The following SCN3A variants were observed in gnomAD, a reference collection of about 807,000 sequenced individuals.
SCN3A encodes sodium channel protein type 3 subunit alpha.
Under a neutral mutation model 187.6 loss-of-function variants are expected in SCN3A, and 60 were observed. That is an observed-to-expected ratio of 0.32 (90% CI 0.26 to 0.40). The LOEUF (loss-of-function observed/expected upper bound fraction) is 0.40, where lower values mean the gene tolerates loss of function less well. Ranked by LOEUF, SCN3A falls within the 10% of genes least tolerant of loss-of-function variation. The pLI is 1.00. For synonymous variants in SCN3A, 788 were observed against 829.2 expected (o/e 0.95, Z 0.85); for missense variants, 1,601 against 2,428.2 (o/e 0.66, Z 7.16).
At chr2:165,163,277 A>AAT (rs1482819092) in intron 7 of SCN3A, among the ~76,000 whole-genome samples, 1 of 152,090 alleles carries the variant, frequency 6.6e-6, no homozygotes, top group Non-Finnish European at 1.5e-5. Flanking sequence ...CTCCTTTGTA[A>AAT]AAGGAGATCC....
intron 24 of SCN3A, among the ~76,000 whole-genome samples, chr2:165,096,203 C>T (rs1215427699): frequency 6.6e-6 from 1 of 152,118 alleles, no homozygotes; most frequent in Non-Finnish European, 1.5e-5. Context: ...CACTGAACAA[C>T]TTTTCCACTC....
At chr2:165,181,669 G>A (rs1690882436) in intron 2 of SCN3A, among the ~76,000 whole-genome samples, 1 of 151,988 alleles carries the variant, frequency 6.6e-6, no homozygotes, top group Non-Finnish European at 1.5e-5. Flanking sequence ...GTTCATTTTT[G>A]AGAAAATGTG....
At position 165,163,670 on chromosome 2, in the gene SCN3A, C is replaced by G. The variant is rs575814709; in HGVS notation, c.642G>C (p.Ala214=). 6.2e-7 allele frequency: 1 copy of G among 1,613,950 alleles called. No homozygotes were observed. The highest frequency in any genetic ancestry group is 1.3e-5 in the African/African-American group (1 of 74,922). Residue 214 remains alanine, a synonymous_variant, in exon 7 of 28, where the codon GCG becomes GCC. Coordinates refer to ENST00000283254, the MANE Select transcript of SCN3A (RefSeq NM_006922.4). ...CTCGGAGAACTCTGAATGTTCTCAACGCTGAGACATTGCCCAGGTCCACAA... is the reference window on the plus strand; with the variant it reads ...CTCGGAGAACTCTGAATGTTCTCAAGGCTGAGACATTGCCCAGGTCCACAA... ...TEFVDLGNVS[A]LRTFRVLRAL...
At chr2:165,115,654 G>GAA (rs61539996) in intron 18 of SCN3A, 79 bp from the exon 19 acceptor site, 2 of 1,328,084 alleles carry the variant, frequency 1.5e-6, no homozygotes, top group South Asian at 1.2e-5. Flanking sequence ...GTCATTGTGT[G>GAA]AAAAAAAAAT....
Position 165,140,741 on chromosome 2 carries a change from C to A in SCN3A, c.1929G>T (p.Lys643Asn), listed in dbSNP as rs1687960070. The A allele has an allele frequency of 1.2e-6, 2 of 1,614,024 alleles. No homozygotes were observed. Residue 643 changes from lysine (K) to asparagine (N), a missense_variant, in exon 13 of 28, where the codon AAG becomes AAT. Around this residue, in one of 11 missense-constraint regions of SCN3A, gnomAD observed 376 missense variants for 476.0 expected, o/e 0.79. Coordinates refer to ENST00000283254, the MANE Select transcript of SCN3A (RefSeq NM_006922.4). This position sits in a 1 kb window ranked among gnomAD's most constrained non-coding sequence, Gnocchi z 4.2. ...RMVPGLPANG[K>N]MHSTVDCNGV... ...CATTGCAATCCACAGTGCTGTGCAT[C>A]TTCCCATTTGCTGGAAGCCCTGGCA...
chr2:165,115,534 A>G lies in SCN3A; in HGVS notation c.3435T>C (p.Asp1145=). The G allele has an allele frequency of 1.2e-6, 2 of 1,613,684 alleles. No homozygotes were observed. Among genetic ancestry groups the G allele is most frequent in the Non-Finnish European group, 8.5e-7 (1 of 1,179,658 alleles). ...GTTCACCTTCTCGGGGTAGAACAAC[A>G]TCAACTGTGCTTCCTTCAGATGAGC... The part of the protein sequence containing the change: ...ATSSSEGSTV[D]VVLPREGEQA... Residue 1145 remains aspartate, a synonymous_variant, in exon 19 of 28, where the codon GAT becomes GAC. Coordinates refer to ENST00000283254, the MANE Select transcript of SCN3A (RefSeq NM_006922.4).
chr2:165,099,423 TA>T (rs1685501250), intron 22 of SCN3A, among the ~76,000 whole-genome samples: 1 of 152,036 alleles, frequency 6.6e-6, no homozygotes, highest in South Asian at 2.1e-4. Flanking sequence ...AAAAGATCTA[TA>T]AAACAAACTC....
At chr2:165,110,916 C>T (rs1374184359) in intron 21 of SCN3A, among the ~76,000 whole-genome samples, 1 of 152,186 alleles carries the variant, frequency 6.6e-6, no homozygotes, top group African/African-American at 2.4e-5. Flanking sequence ...AAACCTCCAA[C>T]CTCAAGAGAT....
rs750426459 is a variant in SCN3A at position 165,090,700 on chromosome 2, G to A, written c.5453C>T (p.Ala1818Val). Residue 1818 changes from alanine (A) to valine (V), a missense_variant, in exon 28 of 28, where the codon GCT (alanine) becomes GTT (valine). Around this residue, in one of 11 missense-constraint regions of SCN3A, gnomAD observed 110 missense variants for 175.9 expected, o/e 0.63. Coordinates refer to ENST00000283254, the MANE Select transcript of SCN3A (RefSeq NM_006922.4). This position sits in a 1 kb window ranked among gnomAD's most constrained non-coding sequence, Gnocchi z 4.0. ...TATGAGAAGAGGAGGATCCAGGGCA[G>A]CTGCAAAATCAGAGAGTTTAGAGAA... ...IEFSKLSDFA[A>V]ALDPPLLIAK... is the part of the protein sequence containing the mutation. 6.2e-7 allele frequency: 1 copy of A among 1,614,086 alleles called. No individual in the cohort carries two copies. The highest frequency in any genetic ancestry group is 2.2e-5 in the East Asian group (1 of 44,878).
At chr2:165,120,821 T>C (rs1349297807) in intron 18 of SCN3A, among the ~76,000 whole-genome samples, 1 of 150,190 alleles carries the variant, frequency 6.7e-6, no homozygotes, top group Non-Finnish European at 1.5e-5. Context: ...TTTTTCACGA[T>C]CACTTATCGA....
At chr2:165,157,743 T>C (rs1254507488) in intron 9 of SCN3A, among the ~76,000 whole-genome samples, 1 of 152,230 alleles carries the variant, frequency 6.6e-6, no homozygotes, top group Admixed American at 6.5e-5. Context: ...TCATATTTTA[T>C]TTAATTATTC....
intron 11 of SCN3A, among the ~76,000 whole-genome samples, chr2:165,154,239 A>G (rs1229284647): frequency 1.3e-5 from 2 of 151,998 alleles, no homozygotes; most frequent in Admixed American, 1.3e-4. Context: ...TGTATTTTCT[A>G]TCCGCTAGCT....
Position 165,090,074 on chromosome 2 carries a change from G to T in SCN3A, c.*76C>A. Reference sequence around the variant, plus strand: ...GTCAGTTTGGCATGGACCTCCTCTTGAAGTCCAGTTGACACATATACTTTA... The same window carrying T: ...GTCAGTTTGGCATGGACCTCCTCTTTAAGTCCAGTTGACACATATACTTTA... On this transcript the variant is annotated 3_prime_UTR_variant, in exon 28 of 28. Transcript: ENST00000283254. This position sits in a 1 kb window ranked among gnomAD's most constrained non-coding sequence, Gnocchi z 4.0. 6.5e-7 allele frequency: 1 copy of T among 1,540,182 alleles called. No individual in the cohort carries two copies. The highest frequency in any genetic ancestry group is 8.7e-7 in the Non-Finnish European group (1 of 1,144,568).
At chr2:165,187,646 GT>G (rs1479947172) in intron 1 of SCN3A, among the ~76,000 whole-genome samples, 7 of 151,886 alleles carry the variant, frequency 4.6e-5, no homozygotes, top group Non-Finnish European at 1.0e-4. Context: ...TCTCTATTCT[GT>G]TACCGGAGTG....
At chr2:165,193,455 A>G (rs566067763) in intron 1 of SCN3A, among the ~76,000 whole-genome samples, 2 of 152,236 alleles carry the variant, frequency 1.3e-5, no homozygotes, top group African/African-American at 4.8e-5. Context: ...TGGCAACATG[A>G]CAAATATAAA....
At chr2:165,139,088 G>C (rs146023997) in intron 14 of SCN3A, among the ~76,000 whole-genome samples, 1 of 152,040 alleles carries the variant, frequency 6.6e-6, no homozygotes, top group East Asian at 1.9e-4. Context: ...AAGTGCTCCC[G>C]CAACCCCATC....
At chr2:165,141,615 A>G (rs1343584686) in intron 12 of SCN3A, among the ~76,000 whole-genome samples, 1 of 152,224 alleles carries the variant, frequency 6.6e-6, no homozygotes, top group African/African-American at 2.4e-5. Flanking sequence ...AGAAGTCACA[A>G]AACTTACCTA....
chr2:165,186,555 G>A lies in SCN3A; in HGVS notation c.-55C>T, dbSNP rs1691254740. On this transcript the variant is annotated 5_prime_UTR_variant, in exon 2 of 28. Coordinates refer to ENST00000283254, the MANE Select transcript of SCN3A (RefSeq NM_006922.4). ...ACCCAGAAGTTGTTTAGTTACCTTA[G>A]ATAGTCACAGCACCTTTTTCCGGAA... 1 of 152,166 alleles carries A rather than the reference G, an allele frequency of 6.6e-6. No individual in the cohort carries two copies. The highest frequency in any genetic ancestry group is 6.5e-5 in the Admixed American group (1 of 15,280). 9.4% of individuals were successfully genotyped at this position (152,166 alleles called of 1,614,324 possible).
intron 10 of SCN3A, 142 bp downstream of exon 10, chr2:165,155,620 A>G: frequency 1.1e-6 from 1 of 870,906 alleles, no homozygotes; most frequent in South Asian, 1.6e-5. Flanking sequence ...GCTGGTCTCG[A>G]ATTCCTGGAC....
Sources: allele counts gnomAD v4.1 joint callset (sites outside exome capture counted in the v4.1 genomes callset), GRCh38; gene constraint gnomAD v4.1.1; regional missense constraint gnomAD v4.1.1; non-coding constraint Gnocchi (gnomAD v3.1); transcripts MANE v1.5; gene names NCBI Gene and HGNC (gene_info 2026-07-23, HGNC 2026-07-21).